The following OTOF variants were observed in gnomAD, a reference collection of about 807,000 sequenced individuals.
OTOF encodes otoferlin.
A neutral mutation model predicts 236.8 loss-of-function variants in OTOF; 218 were observed. That is an observed-to-expected ratio of 0.92 (90% CI 0.82 to 1.03). The LOEUF (loss-of-function observed/expected upper bound fraction) is 1.03. Among genes scored for constraint, OTOF ranks in the 50% least tolerant of loss-of-function variants. The pLI, the probability that OTOF is intolerant of heterozygous loss-of-function variation, is 0.00. For synonymous variants in OTOF, 1,041 were observed against 1,072.5 expected (o/e 0.97, Z 0.57); for missense variants, 2,590 against 2,694.4 (o/e 0.96, Z 0.86).
At position 26,477,133 on chromosome 2, in the gene OTOF, G is replaced by A; in HGVS notation, c.2523+39C>T. 6.3e-7 allele frequency: 1 copy of A among 1,590,152 alleles called. No homozygotes were observed. The highest frequency in any genetic ancestry group is 1.9e-4 in the Middle Eastern group (1 of 5,384). ...GATCCTGAGGGGCCCCAGAGAGCCA[G>A]CCCTGGATGAGGCAAAGCCCCGACC... is the stretch of plus-strand genomic sequence containing the variant. On this transcript the variant is annotated intron_variant, in intron 21 of 46. Transcript: ENST00000272371. The surrounding 1 kb of genome is among the most constrained non-coding windows in gnomAD (Gnocchi z 4.7).
At position 26,519,865 on chromosome 2, in the gene OTOF, C is replaced by T. The variant is rs191771415; in HGVS notation, c.228-756G>A. Reference sequence around the variant, plus strand: ...TGTTCTTGTCAAAGCCCCCAGCACACAGCCAGCACTCCAAAGCAGTCCGTT... The same window carrying T: ...TGTTCTTGTCAAAGCCCCCAGCACATAGCCAGCACTCCAAAGCAGTCCGTT... On this transcript the variant is annotated intron_variant, in intron 3 of 46. Coordinates refer to ENST00000272371, the MANE Select transcript of OTOF (RefSeq NM_194248.3). 2.6e-5 allele frequency among the ~76,000 whole-genome samples: 4 copies of T among 152,360 alleles called. No homozygotes were observed. In the East Asian group the frequency reaches 7.7e-4, roughly 29 times the overall value.
chr2:26,502,407 C>T lies in OTOF; in HGVS notation c.603G>A (p.Glu201=). 1 of 1,613,700 alleles carries T rather than the reference C, an allele frequency of 6.2e-7. No homozygotes were observed. Residue 201 remains glutamate, a synonymous_variant, in exon 7 of 47, where the codon GAG becomes GAA. Transcript: ENST00000272371. ...TGGCCAGATGGTCAAGGTCTTCCAT[C>T]TCCAGCACCGCCGGTTCATCTGGGG... is the stretch of plus-strand genomic sequence containing the variant. ...PQRPDEPAVL[E]MEDLDHLAIR... is the part of the protein sequence containing the mutation.
intron 41 of OTOF, among the ~76,000 whole-genome samples, chr2:26,463,057 G>T (rs1480463035): frequency 6.6e-6 from 1 of 152,178 alleles, no homozygotes; most frequent in Non-Finnish European, 1.5e-5. Flanking sequence ...TGAGGATGAC[G>T]CAGGGCCGGC....
In OTOF at chr2:26,470,740, C is replaced by T; in HGVS notation, c.3895-19G>A. On this transcript the variant is annotated intron_variant, in intron 31 of 46. Transcript: ENST00000272371. This position sits in a 1 kb window ranked among gnomAD's most constrained non-coding sequence, Gnocchi z 4.3. ...CCTCAGCCTGCAGGTTGGCCAGGTC[C>T]AGAGTCCTACATGGACTCCTCCTGC... 6.2e-7 allele frequency: 1 copy of T among 1,610,746 alleles called. No individual in the cohort carries two copies. Among genetic ancestry groups the T allele is most frequent in the South Asian group, 1.1e-5 (1 of 91,006 alleles).
rs1472790465 is a variant in OTOF at position 26,516,652 on chromosome 2, C to T, written c.328-53G>A. 5.7e-6 allele frequency: 9 copies of T among 1,571,268 alleles called. No individual in the cohort carries two copies. The East Asian group carries it at 1.6e-4, about 27-fold the overall frequency. Reference sequence around the variant, plus strand: ...GCTGGGATGGTGACAGCAATCTCCACCCCGTATATGTGGCTGCTTGGTGGT... The same window carrying T: ...GCTGGGATGGTGACAGCAATCTCCATCCCGTATATGTGGCTGCTTGGTGGT... On this transcript the variant is annotated intron_variant, in intron 4 of 46. Transcript: ENST00000272371.
At chr2:26,478,958 CAA>C (rs1304315261) in intron 18 of OTOF, among the ~76,000 whole-genome samples, 1 of 152,240 alleles carries the variant, frequency 6.6e-6, no homozygotes, top group African/African-American at 2.4e-5. Context: ...CTTGGCCTCC[CAA>C]AGTGTTGGGA....
chr2:26,548,556 G>T (rs902558034), intron 1 of OTOF, among the ~76,000 whole-genome samples: 4 of 152,128 alleles, frequency 2.6e-5, no homozygotes, highest in Non-Finnish European at 5.9e-5. Context: ...TGAGCATTTC[G>T]TATACATTCA....
chr2:26,463,276 G>A (rs886795093), intron 41 of OTOF, among the ~76,000 whole-genome samples: 1 of 152,212 alleles, frequency 6.6e-6, no homozygotes, highest in Non-Finnish European at 1.5e-5. Context: ...GCCTTAGCAC[G>A]TGGGGACTCT....
rs113862825 is a variant in OTOF, at chr2:26,511,654, G to A, written c.509+4764C>T. On this transcript the variant is annotated intron_variant, in intron 5 of 46. Coordinates refer to ENST00000272371, the MANE Select transcript of OTOF (RefSeq NM_194248.3). ...AAGCAGGTCAGTCTGTAATTCAAAG[G>A]TGTTAACATCAGCCAGGCCTCGGCT... 1.8e-3 allele frequency among the ~76,000 whole-genome samples: 270 copies of A among 152,298 alleles called. 1 individual carries two copies. The highest frequency in any genetic ancestry group is 6.0e-3 in the African/African-American group (251 of 41,556).
In OTOF at chr2:26,484,469, C is replaced by A; in HGVS notation, c.1205+5G>T. 6.2e-7 allele frequency: 1 copy of A among 1,613,914 alleles called. No homozygotes were observed. The highest frequency in any genetic ancestry group is 8.5e-7 in the Non-Finnish European group (1 of 1,179,986). ...ACTCCAGGGGCTGGGGTAGCTGGGC[C>A]TCACCCCTCAATGTCATCTTCGTCG... On this transcript the variant is annotated splice_donor_5th_base_variant and intron_variant, in intron 12 of 46. Transcript: ENST00000272371.
chr2:26,468,337 T>C, intron 33 of OTOF, 71 bp downstream of exon 33: 1 of 1,094,760 alleles, frequency 9.1e-7, no homozygotes, highest in Non-Finnish European at 1.4e-6. Flanking sequence ...AAGCAGGTGA[T>C]GAGGTGGGCA....
At chr2:26,522,168 G>A (rs181499943) in intron 3 of OTOF, among the ~76,000 whole-genome samples, 1 of 152,042 alleles carries the variant, frequency 6.6e-6, no homozygotes, top group Non-Finnish European at 1.5e-5. Context: ...TGGCTTGGGG[G>A]GTTTTAACTC....
chr2:26,539,772 A>G (rs996893721), intron 1 of OTOF, among the ~76,000 whole-genome samples: 3 of 152,178 alleles, frequency 2.0e-5, no homozygotes, highest in Non-Finnish European at 4.4e-5. Context: ...GAAAGTGGTT[A>G]TCCCTGGGGA....
intron 2 of OTOF, among the ~76,000 whole-genome samples, chr2:26,535,130 C>A (rs1667039250): frequency 6.6e-6 from 1 of 152,194 alleles, no homozygotes. Flanking sequence ...AGGGCTGAGG[C>A]CACTTTGCCC....
chr2:26,541,422 G>T (rs1667209914), intron 1 of OTOF, among the ~76,000 whole-genome samples: 1 of 152,200 alleles, frequency 6.6e-6, no homozygotes, highest in Non-Finnish European at 1.5e-5. Context: ...TTTACCTGTA[G>T]ATATTCTTTT....
chr2:26,513,586 C>T (rs532906672), intron 5 of OTOF, among the ~76,000 whole-genome samples: 8 of 152,324 alleles, frequency 5.3e-5, no homozygotes, highest in Middle Eastern at 3.4e-3. Context: ...TCAAGATGGC[C>T]GGTGAGACAC....
chr2:26,541,690 C>G (rs1231333555), intron 1 of OTOF, among the ~76,000 whole-genome samples: 1 of 152,240 alleles, frequency 6.6e-6, no homozygotes, highest in Non-Finnish European at 1.5e-5. Context: ...CACATCTACT[C>G]CATTCAGCGT....
At chr2:26,464,810 T>C (rs1419018044) in intron 39 of OTOF, 59 bp downstream of exon 39, 3 of 1,538,456 alleles carry the variant, frequency 2.0e-6, no homozygotes, top group Non-Finnish European at 2.7e-6. Context: ...TGTGGGCCCC[T>C]CCTGGCCTCT....
intron 5 of OTOF, among the ~76,000 whole-genome samples, chr2:26,510,470 G>A (rs1572463191): frequency 6.6e-6 from 1 of 151,958 alleles, no homozygotes; most frequent in Non-Finnish European, 1.5e-5. Context: ...AGAGCCCAGA[G>A]TGGAAACCAG....
Sources: allele counts gnomAD v4.1 joint callset (sites outside exome capture counted in the v4.1 genomes callset), GRCh38; gene constraint gnomAD v4.1.1; non-coding constraint Gnocchi (gnomAD v3.1); transcripts MANE v1.5; gene names NCBI Gene and HGNC (gene_info 2026-07-23, HGNC 2026-07-21).